The following CEP41 variants were observed in gnomAD, a reference collection of about 807,000 sequenced individuals.
The protein encoded by CEP41 is centrosomal protein 41.
In CEP41, 32 loss-of-function variants were observed where a neutral mutation model predicts 44.3. That is an observed-to-expected ratio of 0.72 (90% CI 0.54 to 0.97). CEP41 has a LOEUF of 0.97. Ranked by LOEUF, CEP41 falls within the 50% of genes least tolerant of loss-of-function variation. The probability of loss-of-function intolerance (pLI) is 0.00; values close to 1 mark genes in which losing one functional copy is unlikely to be tolerated. For missense variants in CEP41, 432 were observed against 455.2 expected, an observed-to-expected ratio of 0.95 and a Z score of 0.46; for synonymous variants, 151 against 168.5, an observed-to-expected ratio of 0.90 and a Z score of 0.80.
intron 5 of CEP41, 29 bp from the exon 6 acceptor site, chr7:130,404,737 G>C (rs1796958399): frequency 1.3e-6 from 2 of 1,554,450 alleles, no homozygotes; most frequent in Non-Finnish European, 1.8e-6. Flanking sequence ...GAAATAATTA[G>C]ATTGAACCTC....
chr7:130,411,284 T>A, intron 4 of CEP41, 93 bp from the exon 5 acceptor site: 1 of 987,080 alleles, frequency 1.0e-6, no homozygotes, highest in Non-Finnish European at 1.6e-6. Context: ...ACAACAAACA[T>A]CAAAGATCTG....
chr7:130,408,613 T>C (rs1170923076), intron 5 of CEP41, among the ~76,000 whole-genome samples: 2 of 152,138 alleles, frequency 1.3e-5, no homozygotes, highest in African/African-American at 2.4e-5. Context: ...GAAAAACAGG[T>C]CTTCTCATTC....
intron 2 of CEP41, among the ~76,000 whole-genome samples, chr7:130,423,905 A>C (rs1797584371): frequency 6.6e-6 from 1 of 152,252 alleles, no homozygotes; most frequent in South Asian, 2.1e-4. Context: ...AAATGTTCAG[A>C]ATAGCCAAAT....
At chr7:130,429,447 C>T (rs1797762526) in intron 1 of CEP41, among the ~76,000 whole-genome samples, 1 of 152,208 alleles carries the variant, frequency 6.6e-6, no homozygotes, top group South Asian at 2.1e-4. Context: ...TGAGGAGAAG[C>T]TAATGAACAA....
intron 5 of CEP41, among the ~76,000 whole-genome samples, chr7:130,407,744 G>C (rs546010975): frequency 6.6e-6 from 1 of 151,840 alleles, no homozygotes; most frequent in East Asian, 1.9e-4. Flanking sequence ...ACAAAATGTA[G>C]GTAAATAATT....
At position 130,401,930 on chromosome 7, in the gene CEP41, G is replaced by A. The variant is rs782605784; in HGVS notation, c.593C>T (p.Ala198Val). The A allele has an allele frequency of 1.9e-6, 3 of 1,609,838 alleles. No individual in the cohort carries two copies. The highest frequency in any genetic ancestry group is 2.2e-5 in the South Asian group (2 of 90,986). ...AGGGTTCATTGTTCTAGACAGAGTT[G>A]CAATTGGGTAACTGTAAGCTGCAAA... ...HIVGAYSYPI[A>V]TLSRTMNPYS... The change falls in exon 8 of 11, where the codon GCA becomes GTA. Residue 198 changes from alanine (A) to valine (V), a missense_variant. Ala to Val is a moderately conservative substitution (Grantham distance 64). Transcript: ENST00000223208.
At chr7:130,421,205 A>G (rs1797498272) in intron 2 of CEP41, 1 of 985,106 alleles carries the variant, frequency 1.0e-6, no homozygotes, top group Admixed American at 6.1e-5. Flanking sequence ...TTGTTTTCCT[A>G]TAATTTAATA....
At chr7:130,422,548 C>T (rs11767357) in intron 2 of CEP41, among the ~76,000 whole-genome samples, 47,808 of 151,974 alleles carry the variant, frequency 0.31, 7,682 homozygotes, top group Middle Eastern at 0.42. Context: ...GGCTGCTGCA[C>T]ACCAGGTAGA....
chr7:130,441,336 TAGCTAATGTGGAACCATAA>T, upstream of CEP41: 1 of 420,674 alleles, frequency 2.4e-6, no homozygotes, highest in Non-Finnish European at 4.5e-6. Flanking sequence ...ACACGAGTTT[TAGCTAATGTGGAACCATAA>T]ATACAACACA....
chr7:130,396,868 T>C lies in CEP41; in HGVS notation c.*2023A>G, dbSNP rs1796677394. The C allele has an allele frequency of 2.2e-6, 1 of 448,164 alleles. No individual in the cohort carries two copies. Among genetic ancestry groups the C allele is most frequent in the East Asian group, 7.0e-5 (1 of 14,326 alleles). 27.8% of individuals were successfully genotyped at this position (448,164 alleles called of 1,614,324 possible). A position where few individuals can be genotyped will look rare whatever the true frequency, so the allele number is the denominator to read the frequency against. On this transcript the variant is annotated 3_prime_UTR_variant, in exon 11 of 11. Coordinates refer to ENST00000223208, the MANE Select transcript of CEP41 (RefSeq NM_018718.3). ...TGGCTGACCTGGCTTTCCACATATA[T>C]ACAGTGGTTTCTAATACTCCAAAGT...
In CEP41 at chr7:130,398,337, T is replaced by G. The variant is rs1326076990; in HGVS notation, c.*554A>C. The G allele has an allele frequency of 2.2e-6, 1 of 454,036 alleles. No individual in the cohort carries two copies. The highest frequency in any genetic ancestry group is 2.3e-5 in the Admixed American group (1 of 42,580). 28.1% of individuals were successfully genotyped at this position (454,036 alleles called of 1,614,324 possible). A position where few individuals can be genotyped will look rare whatever the true frequency, so the allele number is the denominator to read the frequency against. The stretch of plus-strand genomic sequence containing the variant: ...CATACTCAAAACAGGGCCTGCAATA[T>G]GCTGGGCAGAGAGCTCCTTGCTGAG... On this transcript the variant is annotated 3_prime_UTR_variant, in exon 11 of 11. Coordinates refer to ENST00000223208, the MANE Select transcript of CEP41 (RefSeq NM_018718.3).
intron 3 of CEP41, among the ~76,000 whole-genome samples, chr7:130,414,713 G>C (rs1797283033): frequency 6.6e-6 from 1 of 152,192 alleles, no homozygotes; most frequent in Non-Finnish European, 1.5e-5. Context: ...GCCGTCAGTA[G>C]GACTTTTTGA....
rs181211747 is a variant in CEP41, at chr7:130,396,012, T to C, written c.*2879A>G. 236 of 454,096 alleles carry C rather than the reference T, an allele frequency of 5.2e-4. 1 individual carries two copies. Among genetic ancestry groups the C allele is most frequent in the African/African-American group, 4.4e-3 (221 of 50,122 alleles). 28.1% of individuals were successfully genotyped at this position (454,096 alleles called of 1,614,324 possible). A position where few individuals can be genotyped will look rare whatever the true frequency, so the allele number is the denominator to read the frequency against. ...TTTGTTTTCAAATAAGTAATGTAGCTTTCTCCTTTCTCTCTCGCTTTCTGC... is the reference window on the plus strand; with the variant it reads ...TTTGTTTTCAAATAAGTAATGTAGCCTTCTCCTTTCTCTCTCGCTTTCTGC... On this transcript the variant is annotated 3_prime_UTR_variant, in exon 11 of 11. Transcript: ENST00000223208.
intron 5 of CEP41, among the ~76,000 whole-genome samples, chr7:130,408,282 T>C (rs1562982193): frequency 6.6e-6 from 1 of 152,244 alleles, no homozygotes; most frequent in Non-Finnish European, 1.5e-5. Context: ...TTACTTAATA[T>C]AGCCTGGAAA....
chr7:130,394,561 CA>C lies in CEP41; in HGVS notation c.*4329del, dbSNP rs1554413772. ...GGCAGAGACAGGGTAATAACACCCC[CA>C]GCAGCTCTCTGGGTACTTCCTGTAG... On this transcript the variant is annotated 3_prime_UTR_variant, in exon 11 of 11. Coordinates refer to ENST00000223208, the MANE Select transcript of CEP41 (RefSeq NM_018718.3). 1 of 454,080 alleles carries C rather than the reference CA, an allele frequency of 2.2e-6. No homozygotes were observed. The highest frequency in any genetic ancestry group is 2.3e-5 in the Admixed American group (1 of 42,574). 28.1% of individuals were successfully genotyped at this position (454,080 alleles called of 1,614,324 possible).
At chr7:130,404,488 AAAAAGATCCCTG>A in intron 6 of CEP41, 64 bp downstream of exon 6, 2 of 1,270,082 alleles carry the variant, frequency 1.6e-6, no homozygotes, top group South Asian at 2.4e-5. Flanking sequence ...GCAAGAAAAA[AAAAAGATCCCTG>A]AAATTGGCGT....
intron 1 of CEP41, among the ~76,000 whole-genome samples, chr7:130,433,364 T>C (rs901685317): frequency 6.6e-6 from 1 of 151,228 alleles, no homozygotes; most frequent in African/African-American, 2.4e-5. Flanking sequence ...AGGATGTATA[T>C]ACAGGCTAAT....
chr7:130,433,180 G>A (rs569253481), intron 1 of CEP41, among the ~76,000 whole-genome samples: 226 of 152,330 alleles, frequency 1.5e-3, no homozygotes, highest in African/African-American at 4.9e-3. Context: ...GGTGGAAGCA[G>A]CTATGGGAAA....
chr7:130,401,015 C>G (rs1796828780), intron 8 of CEP41, 194 bp from the exon 9 acceptor site: 1 of 584,662 alleles, frequency 1.7e-6, no homozygotes, highest in Non-Finnish European at 3.1e-6. Context: ...GTATTCGTTT[C>G]TTTTGCAAAC....
Sources: gnomAD v4.1 joint callset for allele counts (sites outside exome capture counted in the v4.1 genomes callset) on GRCh38, gnomAD v4.1.1 for gene constraint, MANE v1.5 for transcripts, NCBI Gene and HGNC (gene_info 2026-07-23, HGNC 2026-07-21) for gene names.